Variants in RAP1GAP observed in about 807,000 individuals in gnomAD.
The protein encoded by RAP1GAP is RAP1 GTPase activating protein, also known as rap1 GTPase-activating protein 1.
A neutral mutation model predicts 87.2 loss-of-function variants in RAP1GAP; 35 were observed. The observed-to-expected ratio is 0.40, with a 90% CI of 0.31 to 0.53. The LOEUF is 0.53. Ranked by LOEUF, RAP1GAP falls within the 20% of genes least tolerant of loss-of-function variation. RAP1GAP has a pLI of 0.48. For synonymous variants in RAP1GAP, 375 were observed against 363.9 expected (o/e 1.03, Z -0.35); for missense variants, 734 against 898.9 (o/e 0.82, Z 2.35).
rs1344798963 is a variant in RAP1GAP, at chr1:21,634,382, A to G, written c.-112-7985T>C. Among the ~76,000 whole-genome samples, 1 of 152,174 alleles carries G rather than the reference A, an allele frequency of 6.6e-6. No homozygotes were observed. The highest frequency in any genetic ancestry group is 1.5e-5 in the Non-Finnish European group (1 of 68,016). The stretch of plus-strand genomic sequence containing the variant: ...GACTATTTGCCATGCGGGCACTGTG[A>G]TGTCATTCAATCCTTATGACAACAA... On this transcript the variant is annotated intron_variant, in intron 2 of 24. Coordinates refer to ENST00000374765, the MANE Select transcript of RAP1GAP (RefSeq NM_002885.4). This position sits in a 1 kb window ranked among gnomAD's most constrained non-coding sequence, Gnocchi z 4.1.
chr1:21,642,860 A>C (rs2095645643), intron 2 of RAP1GAP, among the ~76,000 whole-genome samples: 2 of 131,870 alleles, frequency 1.5e-5, no homozygotes, highest in Non-Finnish European at 1.6e-5. Flanking sequence ...CGCACAGTGC[A>C]CCTCCCTTCC....
intron 22 of RAP1GAP, 81 bp downstream of exon 22, chr1:21,598,319 C>T (rs1646455648): frequency 7.8e-7 from 1 of 1,275,358 alleles, no homozygotes; most frequent in Admixed American, 1.8e-5. Context: ...CTGCATGGGG[C>T]ATGGGAACTG....
At chr1:21,631,043 C>CT in intron 2 of RAP1GAP, among the ~76,000 whole-genome samples, 1 of 152,138 alleles carries the variant, frequency 6.6e-6, no homozygotes, top group East Asian at 1.9e-4. Flanking sequence ...ACAATGTGGT[C>CT]GTTTCCTCCC....
intron 1 of RAP1GAP, among the ~76,000 whole-genome samples, chr1:21,666,964 G>C (rs1447439507): frequency 1.3e-5 from 2 of 152,102 alleles, no homozygotes; most frequent in Non-Finnish European, 2.9e-5. Context: ...CTCAGTGCTT[G>C]TGTGTCAGGC....
In RAP1GAP at chr1:21,614,017, C is replaced by T. The variant is rs762463366; in HGVS notation, c.364G>A (p.Gly122Arg). 1.9e-6 allele frequency: 3 copies of T among 1,612,328 alleles called. No homozygotes were observed. Among genetic ancestry groups the T allele is most frequent in the Admixed American group, 1.7e-5 (1 of 59,894 alleles). Residue 122 changes from glycine to arginine, a missense_variant, in exon 8 of 25, where the codon GGG (glycine) becomes AGG (arginine). Gly to Arg is a moderately radical substitution (Grantham distance 125, BLOSUM62 -2). Around this residue, in one of 2 missense-constraint regions of RAP1GAP, gnomAD observed 485 missense variants for 646.2 expected, o/e 0.75. Coordinates refer to ENST00000374765, the MANE Select transcript of RAP1GAP (RefSeq NM_002885.4). Reference sequence around the variant, plus strand: ...AGCAGCCGCAGGTGCTCTTGGTCCCCGATGACATCGTACTTGAGTGAGAAG... The same window carrying T: ...AGCAGCCGCAGGTGCTCTTGGTCCCTGATGACATCGTACTTGAGTGAGAAG... ...LVFSLKYDVI[G>R]DQEHLRLLLR...
rs920020561 is a variant in RAP1GAP at position 21,603,106 on chromosome 1, G to C, written c.1429-193C>G. 1.7e-6 allele frequency: 1 copy of C among 572,244 alleles called. No individual in the cohort carries two copies. The highest frequency in any genetic ancestry group is 3.1e-6 in the Non-Finnish European group (1 of 319,862). The allele number at this position is 572,244 out of a possible 1,614,324, so 35.4% of individuals were successfully genotyped here. A position where few individuals can be genotyped will look rare whatever the true frequency, so the allele number is the denominator to read the frequency against. ...GGAAACAGTCCCCAGGAGGGCAAGG[G>C]GCTCTCCCGAGCTCACACGGCAGGA... is the stretch of plus-strand genomic sequence containing the variant. On this transcript the variant is annotated intron_variant, in intron 18 of 24. Transcript: ENST00000374765. This position sits in a 1 kb window ranked among gnomAD's most constrained non-coding sequence, Gnocchi z 6.0.
chr1:21,624,233 G>C (rs1010536759), intron 3 of RAP1GAP, among the ~76,000 whole-genome samples: 2 of 152,146 alleles, frequency 1.3e-5, no homozygotes, highest in Non-Finnish European at 2.9e-5. Flanking sequence ...ACAAATGTGG[G>C]GCCTGAAGGG....
chr1:21,656,540 T>G (rs2096874665), intron 1 of RAP1GAP, among the ~76,000 whole-genome samples: 1 of 151,938 alleles, frequency 6.6e-6, no homozygotes, highest in Non-Finnish European at 1.5e-5. Flanking sequence ...CTGTGGCCTT[T>G]CTAGCCAAGC....
At chr1:21,623,234 T>C (rs1328519490) in intron 3 of RAP1GAP, among the ~76,000 whole-genome samples, 1 of 152,176 alleles carries the variant, frequency 6.6e-6, no homozygotes, top group African/African-American at 2.4e-5. Context: ...TTTTGGGACA[T>C]GTGGATTCTA....
intron 2 of RAP1GAP, among the ~76,000 whole-genome samples, chr1:21,629,397 T>A (rs923804014): frequency 2.0e-5 from 3 of 152,220 alleles, no homozygotes; most frequent in African/African-American, 7.2e-5. Flanking sequence ...TCTCCCCATG[T>A]GTAGGTGTCC....
chr1:21,618,977 A>AC, intron 5 of RAP1GAP, 48 bp downstream of exon 5: 3 of 1,542,400 alleles, frequency 1.9e-6, no homozygotes, highest in Non-Finnish European at 1.8e-6. Flanking sequence ...CACTTCCCGG[A>AC]CCCCCTCCAC....
At chr1:21,632,497 G>A (rs953743371) in intron 2 of RAP1GAP, among the ~76,000 whole-genome samples, 8 of 152,118 alleles carry the variant, frequency 5.3e-5, no homozygotes, top group Admixed American at 1.3e-4. Context: ...GTGAAAACAC[G>A]ACCTCAAAGT....
Position 21,622,487 on chromosome 1 carries a change from G to A in RAP1GAP, c.-18-2437C>T. The stretch of plus-strand genomic sequence containing the variant: ...CCCAGCCGGCTCCTGGCCCGCGCGC[G>A]CCCGGGTCCGGGCCCCGCAGCGCTG... On this transcript the variant is annotated intron_variant, in intron 3 of 24. Transcript: ENST00000374765. The surrounding 1 kb of genome is among the most constrained non-coding windows in gnomAD (Gnocchi z 5.7). 6.4e-6 allele frequency: 1 copy of A among 157,262 alleles called. No individual in the cohort carries two copies. The highest frequency in any genetic ancestry group is 1.4e-5 in the Non-Finnish European group (1 of 73,346). 9.7% of individuals were successfully genotyped at this position (157,262 alleles called of 1,614,324 possible).
At chr1:21,657,164 A>C (rs1284575098) in intron 1 of RAP1GAP, among the ~76,000 whole-genome samples, 1 of 152,248 alleles carries the variant, frequency 6.6e-6, no homozygotes, top group African/African-American at 2.4e-5. Flanking sequence ...AGATCACATC[A>C]AGATCAAATG....
chr1:21,626,489 G>C (rs1213995219), intron 2 of RAP1GAP, 92 bp from the exon 3 acceptor site: 3 of 1,060,070 alleles, frequency 2.8e-6, no homozygotes, highest in African/African-American at 3.1e-5. Flanking sequence ...GGGGATGTGA[G>C]GGAGGATAGA....
intron 10 of RAP1GAP, among the ~76,000 whole-genome samples, chr1:21,612,668 G>C (rs1357738674): frequency 6.6e-6 from 1 of 152,198 alleles, no homozygotes; most frequent in Non-Finnish European, 1.5e-5. Flanking sequence ...GGGACCCAAG[G>C]GTTTACCTGT....
chr1:21,645,732 G>A (rs932962792), intron 2 of RAP1GAP, among the ~76,000 whole-genome samples: 2 of 152,198 alleles, frequency 1.3e-5, no homozygotes, highest in African/African-American at 2.4e-5. Context: ...CCAGCTGCCC[G>A]TCGGGGGCCT....
At chr1:21,617,896 G>A (rs766417217) in intron 6 of RAP1GAP, 38 bp downstream of exon 6, 2 of 1,614,022 alleles carry the variant, frequency 1.2e-6, no homozygotes, top group South Asian at 2.2e-5. Context: ...TGCCTCCTGG[G>A]CTTGAGTAAG....
At chr1:21,643,556 CAA>C (rs58359978) in intron 2 of RAP1GAP, among the ~76,000 whole-genome samples, 819 of 66,444 alleles carry the variant, frequency 0.012, 5 homozygotes, top group African/African-American at 0.043. Context: ...GACTCCGTCT[CAA>C]AAAAAAAAAA....
Sources: gnomAD v4.1 joint callset for allele counts (sites outside exome capture counted in the v4.1 genomes callset) on GRCh38, gnomAD v4.1.1 for gene constraint, gnomAD v4.1.1 regional missense constraint, Gnocchi (gnomAD v3.1) non-coding constraint, MANE v1.5 for transcripts, NCBI Gene and HGNC (gene_info 2026-07-23, HGNC 2026-07-21) for gene names.